The following NUP50 variants were observed in gnomAD, a reference collection of about 807,000 sequenced individuals.
NUP50 encodes the protein nucleoporin 50.
A neutral mutation model predicts 36.8 loss-of-function variants in NUP50; 14 were observed. The observed-to-expected ratio is 0.38, with a 90% CI of 0.25 to 0.59. The LOEUF is 0.59. Ranked by LOEUF, NUP50 falls within the 20% of genes least tolerant of loss-of-function variation. The pLI, the probability that NUP50 is intolerant of heterozygous loss-of-function variation, is 0.63. For synonymous variants in NUP50, 195 were observed against 210.8 expected (o/e 0.93, Z 0.65); for missense variants, 455 against 564.6 (o/e 0.81, Z 1.97).
intron 3 of NUP50, 24 bp from the exon 4 acceptor site, chr22:45,175,870 G>A: frequency 6.2e-7 from 1 of 1,612,710 alleles, no homozygotes. Context: ...CTTACCTAAT[G>A]TGTGCTCCTC....
Position 45,175,876 on chromosome 22 carries a change from T to G in NUP50, c.154-18T>G. 2 of 1,613,464 alleles carry G rather than the reference T, an allele frequency of 1.2e-6. No homozygotes were observed. Among genetic ancestry groups the G allele is most frequent in the South Asian group, 2.2e-5 (2 of 91,030 alleles). On this transcript the variant is annotated intron_variant, in intron 3 of 7. Coordinates refer to ENST00000347635, the MANE Select transcript of NUP50 (RefSeq NM_007172.4). Reference sequence around the variant, plus strand: ...GAAAGTACACTTACCTAATGTGTGCTCCTCCTTCATACTTCAGTCTGACAC... The same window carrying G: ...GAAAGTACACTTACCTAATGTGTGCGCCTCCTTCATACTTCAGTCTGACAC...
intron 6 of NUP50, among the ~76,000 whole-genome samples, chr22:45,181,613 G>C (rs143888417): frequency 4.6e-5 from 7 of 152,120 alleles, no homozygotes; most frequent in African/African-American, 1.7e-4. Context: ...TTAGAGACAG[G>C]ATCTTCCATG....
In NUP50 at chr22:45,187,709, G is replaced by A. The variant is rs1323605074; in HGVS notation, c.*3054G>A. 1 of 152,252 alleles carries A rather than the reference G, an allele frequency of 6.6e-6. No homozygotes were observed. Among genetic ancestry groups the A allele is most frequent in the Non-Finnish European group, 1.5e-5 (1 of 68,040 alleles). The allele number at this position is 152,252 out of a possible 1,614,324, so 9.4% of individuals were successfully genotyped here. On this transcript the variant is annotated 3_prime_UTR_variant, in exon 8 of 8. Transcript: ENST00000347635. The stretch of plus-strand genomic sequence containing the variant: ...TTGTCCCGTAGTATGGCAGATGACA[G>A]GGAGGTCTTTTCCAAGCAGGCACTC...
At position 45,178,553 on chromosome 22, in the gene NUP50, C is replaced by T. The variant is rs766755297; in HGVS notation, c.656C>T (p.Thr219Ile). The T allele has an allele frequency of 6.2e-7, 1 of 1,612,030 alleles. No individual in the cohort carries two copies. Among genetic ancestry groups the T allele is most frequent in the South Asian group, 1.1e-5 (1 of 90,992 alleles). Reference sequence around the variant, plus strand: ...GAATCTAACAAAGTGGCAGCTGAAACACAGTCTCCTTCCCTTTTTGGCTCA... The same window carrying T: ...GAATCTAACAAAGTGGCAGCTGAAATACAGTCTCCTTCCCTTTTTGGCTCA... Reference protein sequence around the residue: ...ESESNKVAAETQSPSLFGSTK... With the variant: ...ESESNKVAAEIQSPSLFGSTK... Residue 219 changes from threonine (T) to isoleucine (I), a missense_variant, in exon 5 of 8, where the codon ACA becomes ATA. Physicochemically the swap from Thr to Ile is moderately conservative, Grantham distance 89. Around this residue, in one of 3 missense-constraint regions of NUP50, gnomAD observed 287 missense variants for 345.5 expected, o/e 0.83. Transcript: ENST00000347635.
intron 3 of NUP50, among the ~76,000 whole-genome samples, chr22:45,173,338 G>GTTTTT (rs132885): frequency 7.4e-6 from 1 of 134,952 alleles, no homozygotes; most frequent in Admixed American, 7.4e-5. Flanking sequence ...AACTTCAGGT[G>GTTTTT]TTTTTTTTTT....
At chr22:45,173,343 T>TG (rs532551943) in intron 3 of NUP50, among the ~76,000 whole-genome samples, 166 of 152,042 alleles carry the variant, frequency 1.1e-3, no homozygotes, top group Non-Finnish European at 1.9e-3. Context: ...CAGGTGTTTT[T>TG]TTTTTTTTTT....
intron 2 of NUP50, among the ~76,000 whole-genome samples, chr22:45,168,626 G>C (rs1569043244): frequency 6.6e-6 from 1 of 152,156 alleles, no homozygotes; most frequent in African/African-American, 2.4e-5. Flanking sequence ...CATGAACTTA[G>C]CACACTGCCC....
intron 5 of NUP50, among the ~76,000 whole-genome samples, chr22:45,179,909 T>C (rs1362022704): frequency 6.6e-6 from 1 of 152,188 alleles, no homozygotes; most frequent in Non-Finnish European, 1.5e-5. Flanking sequence ...TTCTCAGACA[T>C]ATGGACATAC....
At chr22:45,183,580 C>A in intron 7 of NUP50, 60 bp downstream of exon 7, 1 of 1,039,616 alleles carries the variant, frequency 9.6e-7, no homozygotes, top group Non-Finnish European at 1.5e-6. Flanking sequence ...AAAGCGTTTA[C>A]CCTGCTGACT....
chr22:45,176,875 G>T (rs1042781226), intron 4 of NUP50, among the ~76,000 whole-genome samples: 1 of 152,074 alleles, frequency 6.6e-6, no homozygotes, highest in African/African-American at 2.4e-5. Flanking sequence ...CCGAGTAGCT[G>T]GGACTACAGG....
intron 3 of NUP50, among the ~76,000 whole-genome samples, chr22:45,172,495 A>T (rs1699702763): frequency 6.6e-6 from 1 of 152,182 alleles, no homozygotes; most frequent in Non-Finnish European, 1.5e-5. Flanking sequence ...TCAAATGGTC[A>T]GGTTAGAGGT....
At chr22:45,174,351 C>T (rs181550312) in intron 3 of NUP50, among the ~76,000 whole-genome samples, 178 of 152,014 alleles carry the variant, frequency 1.2e-3, no homozygotes, top group Admixed American at 3.1e-3. Flanking sequence ...CTAATTTTTG[C>T]ATTTTTGTAG....
chr22:45,166,121 G>A (rs975826986), intron 1 of NUP50: 10 of 152,196 alleles, frequency 6.6e-5, no homozygotes, highest in Non-Finnish European at 1.5e-4. Context: ...GATTTGGTGA[G>A]TATGTTAGGA....
intron 2 of NUP50, among the ~76,000 whole-genome samples, chr22:45,170,006 A>G (rs548217159): frequency 3.7e-4 from 56 of 152,346 alleles, no homozygotes; most frequent in African/African-American, 1.3e-3. Flanking sequence ...AGAAATAGTG[A>G]AAGTTTTAAA....
In NUP50 at chr22:45,178,434, C is replaced by T. The variant is rs936962646; in HGVS notation, c.537C>T (p.Pro179=). 5.0e-6 allele frequency: 8 copies of T among 1,612,800 alleles called. No individual in the cohort carries two copies. The highest frequency in any genetic ancestry group is 3.3e-5 in the Admixed American group (2 of 59,974). Residue 179 remains proline (P), a synonymous_variant, in exon 5 of 8, where the codon CCC becomes CCT. Transcript: ENST00000347635. The part of the protein sequence containing the change: ...DWIVKHVNTN[P]LCDLTPIFKD... ...TAGTGAAGCACGTGAATACAAACCC[C>T]CTCTGTGATCTGACACCTATCTTTA...
At position 45,183,489 on chromosome 22, in the gene NUP50, A is replaced by G. The variant is rs1569057856; in HGVS notation, c.1173A>G (p.Thr391=). The part of the protein sequence containing the change: ...LHLKPTANQK[T]QLLVRADTNL... The stretch of plus-strand genomic sequence containing the variant: ...TAAAACCTACAGCAAATCAGAAGAC[A>G]CAGCTTTTGGTGCGGGCAGACACCA... Residue 391 remains threonine (T), a synonymous_variant, in exon 7 of 8, where the codon ACA becomes ACG. Transcript: ENST00000347635. The G allele has an allele frequency of 1.2e-6, 2 of 1,611,826 alleles. No homozygotes were observed. The highest frequency in any genetic ancestry group is 1.7e-4 in the Middle Eastern group (1 of 5,746).
At chr22:45,173,124 C>G (rs1182632441) in intron 3 of NUP50, among the ~76,000 whole-genome samples, 1 of 152,034 alleles carries the variant, frequency 6.6e-6, no homozygotes, top group African/African-American at 2.4e-5. Flanking sequence ...GGTTGCACTG[C>G]CAAGAAAGGA....
rs567840978 is a variant in NUP50 at position 45,179,700 on chromosome 22, C to T, written c.1003+800C>T. ...AGGAGTTTGAGACCAGCCTGGGCAA[C>T]ATAGCAAGACCCCATCTCTACAAAA... On this transcript the variant is annotated intron_variant, in intron 5 of 7. Transcript: ENST00000347635. Among the ~76,000 whole-genome samples the T allele has an allele frequency of 1.1e-4, 17 of 152,290 alleles. 1 individual carries two copies. The highest frequency in any genetic ancestry group is 3.9e-4 in the African/African-American group (16 of 41,550).
chr22:45,179,565 G>A (rs1164900213), intron 5 of NUP50, among the ~76,000 whole-genome samples: 1 of 152,136 alleles, frequency 6.6e-6, no homozygotes, highest in Non-Finnish European at 1.5e-5. Flanking sequence ...AACAGGTGAT[G>A]TCTGTGAAGA....
Sources: allele counts gnomAD v4.1 joint callset (sites outside exome capture counted in the v4.1 genomes callset), GRCh38; gene constraint gnomAD v4.1.1; regional missense constraint gnomAD v4.1.1; transcripts MANE v1.5; gene names NCBI Gene and HGNC (gene_info 2026-07-23, HGNC 2026-07-21).